The following CHPT1 variants were observed in gnomAD, a reference collection of about 807,000 sequenced individuals.
CHPT1 encodes choline phosphotransferase 1.
In CHPT1, 36 loss-of-function variants were observed where a neutral mutation model predicts 47.6. The observed-to-expected ratio is 0.76, with a 90% CI of 0.58 to 1.00. CHPT1 has a LOEUF of 1.00. CHPT1 is among the 50% of genes least tolerant of loss of function. The pLI is 0.00. For synonymous variants in CHPT1, 194 were observed against 186.3 expected, an observed-to-expected ratio of 1.04 and a Z score of -0.33; for missense variants, 458 against 498.1, an observed-to-expected ratio of 0.92 and a Z score of 0.77.
At position 101,726,405 on chromosome 12, in the gene CHPT1, G is replaced by A; in HGVS notation, c.1176+1G>A. 6.2e-7 allele frequency: 1 copy of A among 1,611,800 alleles called. No homozygotes were observed. The highest frequency in any genetic ancestry group is 8.5e-7 in the Non-Finnish European group (1 of 1,179,334). On this transcript the variant is annotated splice_donor_variant, in intron 8 of 8. Transcript: ENST00000229266. LOFTEE classifies it high-confidence loss of function. ...TGCATGTCATCAAGCACCTGAACAG[G>A]TTCACAAGCATATTGACTGACTAAT...
At chr12:101,718,664 TAAAAA>T (rs869226936) in intron 4 of CHPT1, among the ~76,000 whole-genome samples, 1 of 129,046 alleles carries the variant, frequency 7.7e-6, no homozygotes, top group Admixed American at 7.9e-5. Flanking sequence ...ACCCCATCTT[TAAAAA>T]AAAAAAAAAA....
At chr12:101,702,131 A>T (rs886992320) in intron 1 of CHPT1, among the ~76,000 whole-genome samples, 1 of 152,202 alleles carries the variant, frequency 6.6e-6, no homozygotes, top group Non-Finnish European at 1.5e-5. Context: ...TAACTCCTAC[A>T]TTTATATATG....
chr12:101,714,797 CT>C, intron 3 of CHPT1, 152 bp downstream of exon 3: 1 of 595,628 alleles, frequency 1.7e-6, no homozygotes, highest in Non-Finnish European at 2.7e-6. Context: ...CACCTTAAGT[CT>C]TTTAGGTACT....
Position 101,720,233 on chromosome 12 carries a change from C to T in CHPT1, c.759C>T (p.Gly253=). The change falls in exon 5 of 9, where the codon GGC becomes GGT. Residue 253 remains glycine (G), a synonymous_variant. Transcript: ENST00000229266. ...ATGTTATCCTCCATGGTGGTGTTGG[C>T]AAGAATGGATCCACTATAGCAGTAA... The part of the protein sequence containing the change: ...YFHVILHGGV[G]KNGSTIAGTS... 3 of 1,603,708 alleles carry T rather than the reference C, an allele frequency of 1.9e-6. No individual in the cohort carries two copies. The highest frequency in any genetic ancestry group is 2.6e-6 in the Non-Finnish European group (3 of 1,175,828).
At chr12:101,699,874 C>T (rs930678512) in intron 1 of CHPT1, among the ~76,000 whole-genome samples, 1 of 152,192 alleles carries the variant, frequency 6.6e-6, no homozygotes, top group African/African-American at 2.4e-5. Context: ...TGGTTTCTAA[C>T]TGGCTCTTCC....
At chr12:101,714,053 C>T (rs1185910504) in intron 1 of CHPT1, 37 bp from the exon 2 acceptor site, 11 of 1,440,904 alleles carry the variant, frequency 7.6e-6, no homozygotes, top group Non-Finnish European at 1.1e-5. Context: ...AGCTTATTAT[C>T]ACTTAACAAT....
At chr12:101,699,087 T>C (rs1388294238) in intron 1 of CHPT1, among the ~76,000 whole-genome samples, 1 of 152,168 alleles carries the variant, frequency 6.6e-6, no homozygotes, top group Non-Finnish European at 1.5e-5. Context: ...TGCATCCATT[T>C]TGTTGTTGTT....
Position 101,716,913 on chromosome 12 carries a change from A to AT in CHPT1, c.648+101_648+102insT. ...TTCAAAAATCCTTGGCATTGTATTT[A>AT]ATTTTTTTTTTTTAATTGGTGTATT... On this transcript the variant is annotated intron_variant, in intron 4 of 8. Transcript: ENST00000229266. 9.1e-6 allele frequency: 6 copies of AT among 659,896 alleles called. No individual in the cohort carries two copies. The East Asian group carries it at 1.9e-4, about 21-fold the overall frequency. The allele number at this position is 659,896 out of a possible 1,614,324, so 40.9% of individuals were successfully genotyped here.
intron 4 of CHPT1, among the ~76,000 whole-genome samples, chr12:101,717,023 C>T (rs1566040519): frequency 6.6e-6 from 1 of 151,162 alleles, no homozygotes; most frequent in Non-Finnish European, 1.5e-5. Flanking sequence ...TCCTCCTATG[C>T]TTGAGTATAT....
chr12:101,700,688 T>C lies in CHPT1; in HGVS notation c.273+2554T>C, dbSNP rs558725017. 3.9e-4 allele frequency among the ~76,000 whole-genome samples: 59 copies of C among 151,086 alleles called. No homozygotes were observed. The South Asian group carries it at 0.012, about 32-fold the overall frequency. On this transcript the variant is annotated intron_variant, in intron 1 of 8. Coordinates refer to ENST00000229266, the MANE Select transcript of CHPT1 (RefSeq NM_020244.3). ...CATAATACAAATATGTAAAGTGCTT[T>C]CACATCCATGGTTGCATTTGTGTCT...
chr12:101,723,064 A>G (rs1395994703), intron 5 of CHPT1, 104 bp from the exon 6 acceptor site: 1 of 1,016,018 alleles, frequency 9.8e-7, no homozygotes, highest in Non-Finnish European at 1.5e-6. Flanking sequence ...ACTACATCAC[A>G]CTGTTCTTTA....
chr12:101,722,897 T>C (rs774885703), intron 5 of CHPT1, among the ~76,000 whole-genome samples: 26 of 152,142 alleles, frequency 1.7e-4, no homozygotes, highest in Admixed American at 9.2e-4. Flanking sequence ...AAAGTTGATA[T>C]AGAATAAACT....
At chr12:101,716,849 T>C in intron 4 of CHPT1, 37 bp downstream of exon 4, 1 of 1,277,836 alleles carries the variant, frequency 7.8e-7, no homozygotes, top group Non-Finnish European at 1.1e-6. Flanking sequence ...TTAAGTACTT[T>C]TCAAATATTT....
chr12:101,703,096 G>A (rs954303166), intron 1 of CHPT1, among the ~76,000 whole-genome samples: 1 of 152,130 alleles, frequency 6.6e-6, no homozygotes, highest in Non-Finnish European at 1.5e-5. Flanking sequence ...ACGTGGCATC[G>A]TGGTATTTAG....
intron 1 of CHPT1, among the ~76,000 whole-genome samples, chr12:101,707,543 G>T (rs1402485908): frequency 6.6e-6 from 1 of 152,152 alleles, no homozygotes. Context: ...TTAATTGAGG[G>T]ATATTGGTTA....
chr12:101,727,220 C>T (rs1471084258), intron 8 of CHPT1: 1 of 151,992 alleles, frequency 6.6e-6, no homozygotes, highest in Non-Finnish European at 1.5e-5. Flanking sequence ...AAAAAATCTT[C>T]CTTTTAGAAT....
At chr12:101,717,478 C>G (rs1295909698) in intron 4 of CHPT1, 1 of 305,330 alleles carries the variant, frequency 3.3e-6, no homozygotes, top group African/African-American at 2.2e-5. Flanking sequence ...CAATAGTCAA[C>G]AACTAACAGT....
chr12:101,727,973 G>C (rs1291356714), intron 8 of CHPT1: 1 of 152,218 alleles, frequency 6.6e-6, no homozygotes, highest in East Asian at 1.9e-4. Flanking sequence ...CAGGAGGCCA[G>C]GCATGGTGGC....
chr12:101,726,069 C>CTTTT (rs1381339364), intron 7 of CHPT1, among the ~76,000 whole-genome samples: 1 of 152,022 alleles, frequency 6.6e-6, no homozygotes, highest in Admixed American at 6.6e-5. Context: ...TTTTAGTCGT[C>CTTTT]TTTTTTACCT....
Sources: allele counts gnomAD v4.1 joint callset (sites outside exome capture counted in the v4.1 genomes callset), GRCh38; gene constraint gnomAD v4.1.1; transcripts MANE v1.5; gene names NCBI Gene and HGNC (gene_info 2026-07-23, HGNC 2026-07-21).